The following MALRD1 variants were observed in gnomAD, a reference collection of about 807,000 sequenced individuals.
MALRD1 encodes MAM and LDL-receptor class A domain-containing protein 1.
A neutral mutation model predicts 242.1 loss-of-function variants in MALRD1; 247 were observed. That is an observed-to-expected ratio of 1.02 (90% CI 0.92 to 1.13). The LOEUF (loss-of-function observed/expected upper bound fraction) is 1.13, where lower values mean the gene tolerates loss of function less well. MALRD1 is among the 50% of genes most tolerant of loss of function. The pLI is 0.00. For missense variants in MALRD1, 2,989 were observed against 2,533.1 expected (o/e 1.18, Z -3.86); for synonymous variants, 995 against 866.6 (o/e 1.15, Z -2.60).
intron 31 of MALRD1, among the ~76,000 whole-genome samples, chr10:19,511,799 T>A (rs188505399): frequency 6.2e-4 from 94 of 152,324 alleles, no homozygotes; most frequent in African/African-American, 2.2e-3. Flanking sequence ...CTATGAAATC[T>A]TGATTTTGGC....
intron 36 of MALRD1, among the ~76,000 whole-genome samples, chr10:19,675,126 A>ATG (rs1381504899): frequency 2.0e-5 from 3 of 152,170 alleles, no homozygotes; most frequent in African/African-American, 7.2e-5. Flanking sequence ...TAATGTTGAA[A>ATG]TGTGCTTCCT....
At chr10:19,384,222 G>T (rs1453407605) in intron 26 of MALRD1, among the ~76,000 whole-genome samples, 3 of 145,572 alleles carry the variant, frequency 2.1e-5, no homozygotes, top group Non-Finnish European at 4.5e-5. Flanking sequence ...CCTGAGTTTT[G>T]TCCTATAGAG....
intron 14 of MALRD1, among the ~76,000 whole-genome samples, chr10:19,200,554 A>G (rs1202939965): frequency 1.3e-5 from 2 of 151,370 alleles, no homozygotes; most frequent in African/African-American, 4.9e-5. Flanking sequence ...CGGTAGAATC[A>G]TACTGAACCA....
At chr10:19,364,710 GAATATATTAC>G (rs1286164311) in intron 26 of MALRD1, among the ~76,000 whole-genome samples, 1 of 152,070 alleles carries the variant, frequency 6.6e-6, no homozygotes, top group African/African-American at 2.4e-5. Context: ...GTGTGAAACT[GAATATATTAC>G]ATATCCCAAT....
chr10:19,129,025 A>G (rs1837370016), intron 8 of MALRD1, among the ~76,000 whole-genome samples: 1 of 151,902 alleles, frequency 6.6e-6, no homozygotes, highest in African/African-American at 2.4e-5. Context: ...CCAATATCTC[A>G]CTTCTGACAC....
At chr10:19,685,389 A>T (rs894757348) in intron 36 of MALRD1, among the ~76,000 whole-genome samples, 1 of 152,196 alleles carries the variant, frequency 6.6e-6, no homozygotes, top group Non-Finnish European at 1.5e-5. Context: ...TACATAGTAG[A>T]TGTTCAATAA....
intron 36 of MALRD1, among the ~76,000 whole-genome samples, chr10:19,651,716 A>G (rs554449298): frequency 6.6e-6 from 1 of 152,312 alleles, no homozygotes; most frequent in African/African-American, 2.4e-5. Context: ...GAGATATTGC[A>G]CAACATCTCA....
At chr10:19,203,372 G>T (rs1053135438) in intron 14 of MALRD1, among the ~76,000 whole-genome samples, 1 of 152,080 alleles carries the variant, frequency 6.6e-6, no homozygotes, top group African/African-American at 2.4e-5. Context: ...CAGGAACAAT[G>T]ATGCCTCCCA....
At chr10:19,180,305 A>C (rs11008818) in intron 14 of MALRD1, among the ~76,000 whole-genome samples, 12,431 of 152,302 alleles carry the variant, frequency 0.082, 595 homozygotes, top group Non-Finnish European at 0.11. Context: ...GCTGTGACCC[A>C]CAAAAAACTT....
At chr10:19,536,697 T>C (rs1275743006) in intron 32 of MALRD1, among the ~76,000 whole-genome samples, 1 of 151,904 alleles carries the variant, frequency 6.6e-6, no homozygotes, top group Non-Finnish European at 1.5e-5. Context: ...AAAAAAAAAA[T>C]TGAGTGACAG....
chr10:19,480,640 G>T (rs1836951781), intron 29 of MALRD1, among the ~76,000 whole-genome samples: 1 of 152,204 alleles, frequency 6.6e-6, no homozygotes, highest in Non-Finnish European at 1.5e-5. Flanking sequence ...TTCTTTTAGT[G>T]CAGTAGTAGA....
In MALRD1 at chr10:19,088,189, T is replaced by C; in HGVS notation, c.597+4T>C. 2.0e-5 allele frequency: 25 copies of C among 1,233,190 alleles called. No individual in the cohort carries two copies. The highest frequency in any genetic ancestry group is 2.3e-5 in the Non-Finnish European group (23 of 987,610). 76.4% of individuals were successfully genotyped at this position (1,233,190 alleles called of 1,614,324 possible). On this transcript the variant is annotated splice_donor_region_variant and intron_variant, in intron 4 of 39. Transcript: ENST00000454679. ...CCAGAGTTCACAGAGATTTCAGGTATGTGTGTTCTATTTTCTAACTATGGC... is the reference window on the plus strand; with the variant it reads ...CCAGAGTTCACAGAGATTTCAGGTACGTGTGTTCTATTTTCTAACTATGGC...
At chr10:19,270,675 C>G (rs1044837037) in intron 19 of MALRD1, among the ~76,000 whole-genome samples, 8 of 152,100 alleles carry the variant, frequency 5.3e-5, no homozygotes, top group African/African-American at 1.9e-4. Context: ...AGGCTGATGA[C>G]TGACTGCTTA....
chr10:19,506,892 A>G (rs781289562), intron 31 of MALRD1, among the ~76,000 whole-genome samples: 3 of 152,080 alleles, frequency 2.0e-5, no homozygotes, highest in Non-Finnish European at 2.9e-5. Context: ...ATAAAGAAAT[A>G]CCTGAGACTG....
chr10:19,241,529 A>AT (rs1204255049), intron 18 of MALRD1, among the ~76,000 whole-genome samples: 1 of 151,862 alleles, frequency 6.6e-6, no homozygotes, highest in Admixed American at 6.6e-5. Context: ...CTTTTGAAAT[A>AT]TTTTTTAGTG....
intron 38 of MALRD1, among the ~76,000 whole-genome samples, chr10:19,719,457 T>C (rs73597605): frequency 1.1e-3 from 162 of 151,826 alleles, no homozygotes; most frequent in African/African-American, 3.8e-3. Flanking sequence ...TTCCTGGGCA[T>C]GTTCCCATTA....
At chr10:19,203,957 T>C (rs948993469) in intron 15 of MALRD1, 77 bp downstream of exon 15, 2 of 1,495,872 alleles carry the variant, frequency 1.3e-6, no homozygotes, top group East Asian at 2.5e-5. Flanking sequence ...GGAAAGCTAG[T>C]ACGGTTCTGT....
intron 4 of MALRD1, among the ~76,000 whole-genome samples, chr10:19,100,721 G>A (rs541997952): frequency 6.6e-6 from 1 of 152,242 alleles, no homozygotes; most frequent in African/African-American, 2.4e-5. Flanking sequence ...AACTGGGAAG[G>A]AGAGTTCAGG....
intron 36 of MALRD1, among the ~76,000 whole-genome samples, chr10:19,678,378 C>A (rs1041215757): frequency 6.6e-6 from 1 of 152,030 alleles, no homozygotes; most frequent in Non-Finnish European, 1.5e-5. Flanking sequence ...TTGAAGAGGG[C>A]CTTCATTTCC....
Sources: gnomAD v4.1 joint callset for allele counts (sites outside exome capture counted in the v4.1 genomes callset) on GRCh38, gnomAD v4.1.1 for gene constraint, MANE v1.5 for transcripts, NCBI Gene and HGNC (gene_info 2026-07-23, HGNC 2026-07-21) for gene names.